The following SCRG1 variants were observed in gnomAD, a reference collection of about 807,000 sequenced individuals.
SCRG1 encodes stimulator of chondrogenesis 1.
In SCRG1, 3 loss-of-function variants were observed where a neutral mutation model predicts 7.7. That is an observed-to-expected ratio of 0.39 (90% CI 0.18 to 1.01). The LOEUF is 1.01. SCRG1 is among the 50% of genes least tolerant of loss of function. The pLI, the probability that SCRG1 is intolerant of heterozygous loss-of-function variation, is 0.36. For synonymous variants in SCRG1, 46 were observed against 41.2 expected, an observed-to-expected ratio of 1.12 and a Z score of -0.44; for missense variants, 110 against 117.2, an observed-to-expected ratio of 0.94 and a Z score of 0.28.
At chr4:173,422,225 T>A in the SCRG1 span, among the ~76,000 whole-genome samples, 1 of 152,216 alleles carries the variant, frequency 6.6e-6, no homozygotes, top group Admixed American at 6.5e-5. Context: ...TCAACAGCTG[T>A]GGTTTCCAAA....
chr4:173,486,813 T>A, the SCRG1 span, among the ~76,000 whole-genome samples: 1 of 152,164 alleles, frequency 6.6e-6, no homozygotes, highest in Non-Finnish European at 1.5e-5. Context: ...TAACAGAGTG[T>A]GTGTCTGGCA....
chr4:173,499,221 C>A, the SCRG1 span, among the ~76,000 whole-genome samples: 4 of 152,210 alleles, frequency 2.6e-5, no homozygotes, highest in Non-Finnish European at 5.9e-5. The surrounding 1 kb of genome is among the most constrained non-coding windows in gnomAD (Gnocchi z 4.1). Context: ...TGTCCTCCCA[C>A]TGAGGGCAAT....
At chr4:173,444,966 C>A in the SCRG1 span, among the ~76,000 whole-genome samples, 1 of 151,938 alleles carries the variant, frequency 6.6e-6, no homozygotes, top group African/African-American at 2.4e-5. Context: ...ATAATTGATA[C>A]TATTGTATTC....
the SCRG1 span, among the ~76,000 whole-genome samples, chr4:173,432,129 G>C: frequency 1.2e-4 from 18 of 152,160 alleles, no homozygotes; most frequent in South Asian, 2.1e-4. Flanking sequence ...AAGCATTCTA[G>C]TTGAGTAGGA....
the SCRG1 span, among the ~76,000 whole-genome samples, chr4:173,427,805 A>C: frequency 6.6e-6 from 1 of 152,168 alleles, no homozygotes; most frequent in Non-Finnish European, 1.5e-5. Flanking sequence ...ACACAATTCA[A>C]CTTATAGCAG....
At chr4:173,411,757 A>G in the SCRG1 span, among the ~76,000 whole-genome samples, 5,740 of 152,224 alleles carry the variant, frequency 0.038, 185 homozygotes, top group South Asian at 0.08. Context: ...AATTAATGGT[A>G]TGGTCTTATG....
rs1039398678 is a variant in SCRG1 at position 173,386,490 on chromosome 4, A to G, written c.*1851T>C. The G allele has an allele frequency of 2.0e-5, 3 of 151,934 alleles. No homozygotes were observed. Among genetic ancestry groups the G allele is most frequent in the African/African-American group, 7.3e-5 (3 of 41,360 alleles). The allele number at this position is 151,934 out of a possible 1,614,324, so 9.4% of individuals were successfully genotyped here. ...AAGACACTGAATTGTGACTACCTCA[A>G]AATTGTTTGGTCCAGCCCAGTAACA... On this transcript the variant is annotated 3_prime_UTR_variant, in exon 3 of 3. Coordinates refer to ENST00000296506, the MANE Select transcript of SCRG1 (RefSeq NM_007281.4).
intron 1 of SCRG1, among the ~76,000 whole-genome samples, chr4:173,396,784 G>C (rs1293582354): frequency 6.7e-6 from 1 of 149,144 alleles, no homozygotes; most frequent in Non-Finnish European, 1.5e-5. Flanking sequence ...GCCCAGCACA[G>C]TGGCTCACAC....
chr4:173,442,023 A>C, the SCRG1 span, among the ~76,000 whole-genome samples: 1 of 152,242 alleles, frequency 6.6e-6, no homozygotes, highest in South Asian at 2.1e-4. Flanking sequence ...TTTGGCTCAC[A>C]ATAATTACTC....
chr4:173,502,008 A>G, the SCRG1 span, among the ~76,000 whole-genome samples: 2 of 152,188 alleles, frequency 1.3e-5, no homozygotes, highest in African/African-American at 4.8e-5. The surrounding 1 kb of genome is among the most constrained non-coding windows in gnomAD (Gnocchi z 4.6). Flanking sequence ...GCGTGAACCT[A>G]GTGAGACTGG....
chr4:173,493,321 C>G, the SCRG1 span, among the ~76,000 whole-genome samples: 1 of 152,094 alleles, frequency 6.6e-6, no homozygotes, highest in Non-Finnish European at 1.5e-5. Context: ...TCCTGTTCTA[C>G]CATGGTAAGA....
At chr4:173,429,590 C>G in the SCRG1 span, among the ~76,000 whole-genome samples, 2 of 152,172 alleles carry the variant, frequency 1.3e-5, no homozygotes, top group Admixed American at 6.5e-5. Context: ...GCCACTGAAC[C>G]CATCCTGAGA....
chr4:173,475,008 C>T, the SCRG1 span, among the ~76,000 whole-genome samples: 6 of 150,900 alleles, frequency 4.0e-5, no homozygotes, highest in South Asian at 1.0e-3. Flanking sequence ...GATGAAAAAT[C>T]CATGTGTGGT....
At chr4:173,433,740 T>G in the SCRG1 span, among the ~76,000 whole-genome samples, 1 of 152,218 alleles carries the variant, frequency 6.6e-6, no homozygotes. Flanking sequence ...AGAACCTCAC[T>G]GCAATCTGTC....
the SCRG1 span, chr4:173,419,564 G>C: frequency 1.4e-6 from 1 of 728,562 alleles, no homozygotes; most frequent in Non-Finnish European, 2.5e-6. Context: ...GTGTACTTCT[G>C]CATTAAATTC....
chr4:173,505,555 T>C, the SCRG1 span, among the ~76,000 whole-genome samples: 2 of 151,972 alleles, frequency 1.3e-5, no homozygotes, highest in African/African-American at 4.8e-5. The surrounding 1 kb of genome is among the most constrained non-coding windows in gnomAD (Gnocchi z 4.4). Context: ...GGAGAAAAAA[T>C]AGGGGGAAAT....
At chr4:173,431,741 T>A in the SCRG1 span, among the ~76,000 whole-genome samples, 3 of 152,232 alleles carry the variant, frequency 2.0e-5, no homozygotes, top group African/African-American at 7.2e-5. Context: ...TTCTGTCTGA[T>A]CATCTTCCCA....
At chr4:173,502,638 A>T in the SCRG1 span, among the ~76,000 whole-genome samples, 3 of 152,260 alleles carry the variant, frequency 2.0e-5, no homozygotes, top group South Asian at 6.2e-4. The surrounding 1 kb of genome is among the most constrained non-coding windows in gnomAD (Gnocchi z 4.6). Flanking sequence ...TGGATCAAAC[A>T]GGGGCAGTCA....
the SCRG1 span, among the ~76,000 whole-genome samples, chr4:173,512,908 A>T: frequency 6.6e-6 from 1 of 152,198 alleles, no homozygotes; most frequent in Non-Finnish European, 1.5e-5. Context: ...TTTGAATTGT[A>T]AAGGGCAAAA....
Sources: gnomAD v4.1 joint callset for allele counts (sites outside exome capture counted in the v4.1 genomes callset) on GRCh38, gnomAD v4.1.1 for gene constraint, Gnocchi (gnomAD v3.1) non-coding constraint, MANE v1.5 for transcripts, NCBI Gene and HGNC (gene_info 2026-07-23, HGNC 2026-07-21) for gene names.